The following PCDH15 variants were observed in gnomAD, a reference collection of about 807,000 sequenced individuals.
The protein encoded by PCDH15 is protocadherin related 15.
A neutral mutation model predicts 178.5 loss-of-function variants in PCDH15; 129 were observed. That is an observed-to-expected ratio of 0.72 (90% CI 0.63 to 0.84). PCDH15 has a LOEUF of 0.84. Ranked by LOEUF, PCDH15 falls within the 40% of genes least tolerant of loss-of-function variation. The probability of loss-of-function intolerance (pLI) is 0.00; values close to 1 mark genes in which losing one functional copy is unlikely to be tolerated. For synonymous variants in PCDH15, 800 were observed against 732.0 expected, an observed-to-expected ratio of 1.09 and a Z score of -1.50; for missense variants, 2,230 against 2,099.9, an observed-to-expected ratio of 1.06 and a Z score of -1.21.
intron 3 of PCDH15, among the ~76,000 whole-genome samples, chr10:54,444,963 AC>A (rs1277526969): frequency 1.3e-5 from 2 of 151,456 alleles, no homozygotes; most frequent in African/African-American, 4.8e-5. Flanking sequence ...ACTTAATCTG[AC>A]AAAATTAAGA....
chr10:55,498,144 A>T (rs1589083447), intron 2 of PCDH15, among the ~76,000 whole-genome samples: 1 of 151,928 alleles, frequency 6.6e-6, no homozygotes, highest in Non-Finnish European at 1.5e-5. Flanking sequence ...GTTTCTAAAC[A>T]TCTTTAAGAA....
intron 2 of PCDH15, among the ~76,000 whole-genome samples, chr10:55,041,895 T>C (rs1373994223): frequency 6.6e-6 from 1 of 152,108 alleles, no homozygotes; most frequent in Non-Finnish European, 1.5e-5. Flanking sequence ...GGGCCCTAAA[T>C]AGAATACAAA....
intron 2 of PCDH15, among the ~76,000 whole-genome samples, chr10:55,592,036 A>G (rs1842851256): frequency 6.6e-6 from 1 of 152,198 alleles, no homozygotes; most frequent in Non-Finnish European, 1.5e-5. Flanking sequence ...AGTGAAAATC[A>G]TAAATGAATA....
chr10:54,722,338 C>G (rs748615892), intron 1 of PCDH15, among the ~76,000 whole-genome samples: 5 of 151,574 alleles, frequency 3.3e-5, no homozygotes, highest in Non-Finnish European at 5.9e-5. Context: ...TCTTATTCAA[C>G]ATAGTAGTGG....
At chr10:53,968,692 G>T (rs2089322091) in intron 21 of PCDH15, among the ~76,000 whole-genome samples, 1 of 152,132 alleles carries the variant, frequency 6.6e-6, no homozygotes, top group African/African-American at 2.4e-5. Flanking sequence ...TTGCCATTCT[G>T]CAATGTTTGC....
At chr10:55,288,231 A>T (rs773797537) in intron 1 of PCDH15, among the ~76,000 whole-genome samples, 12 of 151,166 alleles carry the variant, frequency 7.9e-5, no homozygotes, top group Non-Finnish European at 1.6e-4. Context: ...ATTGGGAGAA[A>T]AATAATGCTT....
rs368071436 is a variant in PCDH15 at position 54,351,030 on chromosome 10, G to A, written c.475-4546C>T. Among the ~76,000 whole-genome samples, 79 of 152,124 alleles carry A rather than the reference G, an allele frequency of 5.2e-4. 1 individual carries two copies. The highest frequency in any genetic ancestry group is 1.7e-3 in the African/African-American group (72 of 41,538). The stretch of plus-strand genomic sequence containing the variant: ...GAGGCAGGAGAATCCCTTGAACCCA[G>A]GAGACTGAGGTTGCAGTGAGCTGAG... On this transcript the variant is annotated intron_variant, in intron 5 of 37. Transcript: ENST00000644397.
intron 2 of PCDH15, among the ~76,000 whole-genome samples, chr10:54,571,747 T>C (rs1240010794): frequency 1.3e-5 from 2 of 152,184 alleles, no homozygotes; most frequent in Non-Finnish European, 2.9e-5. Flanking sequence ...ACTAAACACA[T>C]ACTTCACCTT....
At chr10:55,145,838 A>AAAAAT in intron 2 of PCDH15, among the ~76,000 whole-genome samples, 1 of 151,506 alleles carries the variant, frequency 6.6e-6, no homozygotes, top group Non-Finnish European at 1.5e-5. Flanking sequence ...CACTGCTTTT[A>AAAAAT]AAAATAATCC....
At chr10:55,495,463 C>T (rs977456649) in intron 2 of PCDH15, among the ~76,000 whole-genome samples, 1 of 151,568 alleles carries the variant, frequency 6.6e-6, no homozygotes, top group Admixed American at 6.6e-5. Context: ...TTTGAATAGA[C>T]ATTTCAACAA....
chr10:55,137,029 G>A (rs1403348307), intron 2 of PCDH15, among the ~76,000 whole-genome samples: 2 of 151,948 alleles, frequency 1.3e-5, no homozygotes, highest in African/African-American at 2.4e-5. Flanking sequence ...ATTTAATGAT[G>A]GTTACATTTA....
At chr10:54,433,920 C>A (rs933364765) in intron 3 of PCDH15, among the ~76,000 whole-genome samples, 2 of 152,120 alleles carry the variant, frequency 1.3e-5, no homozygotes, top group African/African-American at 4.8e-5. Context: ...CACAAGAAGG[C>A]ATTGTTATTA....
At chr10:55,038,773 C>T (rs988520247) in intron 2 of PCDH15, among the ~76,000 whole-genome samples, 3 of 152,052 alleles carry the variant, frequency 2.0e-5, no homozygotes, top group African/African-American at 7.2e-5. Context: ...AAGGGATTCA[C>T]TATGATCATC....
intron 21 of PCDH15, among the ~76,000 whole-genome samples, chr10:53,984,301 C>T (rs1172303342): frequency 6.6e-6 from 1 of 151,766 alleles, no homozygotes; most frequent in Non-Finnish European, 1.5e-5. Flanking sequence ...AGGCGCCCAC[C>T]ACCATGCTCG....
chr10:54,068,224 T>A (rs1033817729), intron 17 of PCDH15, among the ~76,000 whole-genome samples: 1 of 152,274 alleles, frequency 6.6e-6, no homozygotes, highest in African/African-American at 2.4e-5. Flanking sequence ...AATTTTTTCA[T>A]GCACAGTGTT....
chr10:54,063,008 G>T (rs1028064560), intron 18 of PCDH15, among the ~76,000 whole-genome samples: 2 of 152,124 alleles, frequency 1.3e-5, no homozygotes, highest in Non-Finnish European at 2.9e-5. Flanking sequence ...CAGCAATGTG[G>T]CATTTTAAAC....
At chr10:54,185,695 T>C (rs1792092733) in intron 11 of PCDH15, among the ~76,000 whole-genome samples, 1 of 152,062 alleles carries the variant, frequency 6.6e-6, no homozygotes, top group Non-Finnish European at 1.5e-5. Context: ...TCATTTATAG[T>C]AATAAACTGC....
At chr10:54,302,446 T>A (rs2060200451) in intron 8 of PCDH15, among the ~76,000 whole-genome samples, 1 of 152,150 alleles carries the variant, frequency 6.6e-6, no homozygotes, top group African/African-American at 2.4e-5. Flanking sequence ...ATTAGAAGGT[T>A]GGGAGGTGAT....
chr10:54,831,080 T>G (rs1418990660), intron 3 of PCDH15, among the ~76,000 whole-genome samples: 1 of 152,124 alleles, frequency 6.6e-6, no homozygotes, highest in Non-Finnish European at 1.5e-5. Context: ...ACTATGCATT[T>G]GTACCTAGTG....
Sources: allele counts gnomAD v4.1 joint callset (sites outside exome capture counted in the v4.1 genomes callset), GRCh38; gene constraint gnomAD v4.1.1; transcripts MANE v1.5; gene names NCBI Gene and HGNC (gene_info 2026-07-23, HGNC 2026-07-21).